Variants in PIK3C2G observed in about 807,000 individuals in gnomAD.
The protein encoded by PIK3C2G is phosphatidylinositol-4-phosphate 3-kinase catalytic subunit type 2 gamma.
A neutral mutation model predicts 181.1 loss-of-function variants in PIK3C2G; 168 were observed. The ratio of observed to expected loss-of-function variants is 0.93; its 90% CI spans 0.82 to 1.05. The LOEUF (loss-of-function observed/expected upper bound fraction) is 1.05. PIK3C2G is among the 50% of genes least tolerant of loss of function. PIK3C2G has a pLI of 0.00. For synonymous variants in PIK3C2G, 573 were observed against 592.2 expected (o/e 0.97, Z 0.47); for missense variants, 1,869 against 1,732.8 (o/e 1.08, Z -1.40).
At chr12:18,412,433 G>A (rs1944914786) in intron 16 of PIK3C2G, among the ~76,000 whole-genome samples, 1 of 152,044 alleles carries the variant, frequency 6.6e-6, no homozygotes, top group Non-Finnish European at 1.5e-5. Flanking sequence ...GGGTTTTCCA[G>A]GGGCCACATG....
At position 18,609,648 on chromosome 12, in the gene PIK3C2G, A is replaced by C; in HGVS notation, c.4182+19A>C. On this transcript the variant is annotated intron_variant, in intron 31 of 32. Transcript: ENST00000538779. ...AAACATTGTAAGTTTATTATGTATA[A>C]TAAGAAACATGTAAGCCTACATCCA... 7.1e-7 allele frequency: 1 copy of C among 1,404,790 alleles called. No individual in the cohort carries two copies. Among genetic ancestry groups the C allele is most frequent in the Non-Finnish European group, 9.9e-7 (1 of 1,013,826 alleles). 87.0% of individuals were successfully genotyped at this position (1,404,790 alleles called of 1,614,324 possible).
chr12:18,450,982 T>C (rs1431491677), intron 18 of PIK3C2G, among the ~76,000 whole-genome samples: 2 of 152,202 alleles, frequency 1.3e-5, no homozygotes, highest in Non-Finnish European at 2.9e-5. Flanking sequence ...TACTGTAGCC[T>C]TGTAGTATAG....
At chr12:18,328,234 C>T (rs1565602983) in intron 8 of PIK3C2G, among the ~76,000 whole-genome samples, 1 of 151,946 alleles carries the variant, frequency 6.6e-6, no homozygotes, top group Non-Finnish European at 1.5e-5. Flanking sequence ...CTTCTACCAT[C>T]TAGCCCATGA....
the PIK3C2G span, among the ~76,000 whole-genome samples, chr12:18,689,837 A>G: frequency 6.6e-6 from 1 of 152,194 alleles, no homozygotes; most frequent in Non-Finnish European, 1.5e-5. Context: ...AGCTTATAGT[A>G]AAACTTGGCT....
chr12:18,381,846 G>C lies in PIK3C2G; in HGVS notation c.1961G>C (p.Trp654Ser). 6.2e-7 allele frequency: 1 copy of C among 1,613,292 alleles called. No individual in the cohort carries two copies. The highest frequency in any genetic ancestry group is 8.5e-7 in the Non-Finnish European group (1 of 1,179,284). Residue 654 changes from tryptophan (W) to serine (S), a missense_variant, in exon 14 of 33, where the codon TGG becomes TCG. Coordinates refer to ENST00000538779, the MANE Select transcript of PIK3C2G (RefSeq NM_001288772.2). ...GTAGAAATGATAACTCCAGGAGTGT[G>C]GGATGTAAGTCAGCCATCCCCGGTG... ...PPVEMITPGV[W>S]DVSQPSPVTL... is the part of the protein sequence containing the mutation.
intron 31 of PIK3C2G, among the ~76,000 whole-genome samples, chr12:18,637,808 A>G (rs1048767674): frequency 6.6e-6 from 1 of 151,752 alleles, no homozygotes; most frequent in African/African-American, 2.4e-5. Context: ...TGACGAATCC[A>G]CTCTCCATAT....
At chr12:18,684,107 C>A in the PIK3C2G span, 1 of 1,608,936 alleles carries the variant, frequency 6.2e-7, no homozygotes, top group Non-Finnish European at 8.5e-7. Context: ...CTGGTACAAT[C>A]ATCTAACTTT....
intron 1 of PIK3C2G, among the ~76,000 whole-genome samples, chr12:18,273,197 C>T (rs1041653644): frequency 2.0e-5 from 3 of 152,130 alleles, no homozygotes; most frequent in Non-Finnish European, 4.4e-5. Context: ...AAAATGCATA[C>T]ATTATTTTCC....
At chr12:18,309,532 T>A (rs887430690) in intron 5 of PIK3C2G, among the ~76,000 whole-genome samples, 8 of 151,792 alleles carry the variant, frequency 5.3e-5, no homozygotes, top group Middle Eastern at 3.2e-3. Flanking sequence ...GTAATAAAAT[T>A]GTTTCATGAA....
At chr12:18,430,122 G>C (rs1173355387) in intron 18 of PIK3C2G, among the ~76,000 whole-genome samples, 1 of 152,142 alleles carries the variant, frequency 6.6e-6, no homozygotes, top group Non-Finnish European at 1.5e-5. Context: ...TCTGCCTCAT[G>C]TCCTGTTCTA....
At position 18,563,347 on chromosome 12, in the gene PIK3C2G, T is replaced by C. The variant is rs531419701; in HGVS notation, c.3781-30T>C. On this transcript the variant is annotated intron_variant, in intron 27 of 32. Coordinates refer to ENST00000538779, the MANE Select transcript of PIK3C2G (RefSeq NM_001288772.2). The stretch of plus-strand genomic sequence containing the variant: ...TGTATCACAGGCTGATATTGCCATC[T>C]TTTGATTTCTATCTATTTACTTTCT... The C allele has an allele frequency of 3.2e-6, 5 of 1,582,522 alleles. No homozygotes were observed. In the South Asian group the frequency reaches 5.7e-5, roughly 18 times the overall value.
intron 28 of PIK3C2G, among the ~76,000 whole-genome samples, chr12:18,563,823 T>C (rs1201690864): frequency 6.6e-6 from 1 of 152,004 alleles, no homozygotes; most frequent in Non-Finnish European, 1.5e-5. Context: ...TAGTTATTTT[T>C]TATAAAAATA....
At chr12:18,368,296 C>T (rs1235526372) in intron 12 of PIK3C2G, among the ~76,000 whole-genome samples, 1 of 152,154 alleles carries the variant, frequency 6.6e-6, no homozygotes, top group African/African-American at 2.4e-5. Context: ...ATGCGGTATA[C>T]AACCTACAAT....
intron 23 of PIK3C2G, 118 bp downstream of exon 23, chr12:18,503,535 C>A: frequency 1.1e-5 from 7 of 635,542 alleles, no homozygotes; most frequent in Non-Finnish European, 1.7e-5. Flanking sequence ...CTAATTCAAT[C>A]AGCCCAGTAA....
intron 7 of PIK3C2G, 102 bp downstream of exon 7, chr12:18,321,134 G>C: frequency 1.5e-6 from 1 of 654,542 alleles, no homozygotes; most frequent in Non-Finnish European, 2.7e-6. Flanking sequence ...CCATTCACTG[G>C]GACTGTGGAA....
chr12:18,365,130 A>G (rs1941548794), intron 12 of PIK3C2G, among the ~76,000 whole-genome samples: 1 of 152,214 alleles, frequency 6.6e-6, no homozygotes, highest in Non-Finnish European at 1.5e-5. Flanking sequence ...TCCCACAACC[A>G]GAAAGTGTCA....
the PIK3C2G span, among the ~76,000 whole-genome samples, chr12:18,711,334 T>G: frequency 1.6e-5 from 2 of 121,452 alleles, no homozygotes; most frequent in Admixed American, 1.1e-4. Flanking sequence ...AATTGAACAA[T>G]GAGAACACAT....
At chr12:18,592,691 G>A (rs543365773) in intron 29 of PIK3C2G, among the ~76,000 whole-genome samples, 3 of 151,904 alleles carry the variant, frequency 2.0e-5, no homozygotes, top group African/African-American at 7.2e-5. Flanking sequence ...CGATTTATGT[G>A]TGAGTATATT....
At chr12:18,281,107 G>A (rs1949195195) in intron 1 of PIK3C2G, among the ~76,000 whole-genome samples, 1 of 151,802 alleles carries the variant, frequency 6.6e-6, no homozygotes, top group South Asian at 2.1e-4. Flanking sequence ...TCCAAATGGA[G>A]CTATTGATTA....
Sources: gnomAD v4.1 joint callset for allele counts (sites outside exome capture counted in the v4.1 genomes callset) on GRCh38, gnomAD v4.1.1 for gene constraint, MANE v1.5 for transcripts, NCBI Gene and HGNC (gene_info 2026-07-23, HGNC 2026-07-21) for gene names.